The following CYFIP1 variants were observed in gnomAD, a reference collection of about 807,000 sequenced individuals.
The protein encoded by CYFIP1 is cytoplasmic FMR1 interacting protein 1, also known as cytoplasmic FMR1-interacting protein 1.
Under a neutral mutation model 163.5 loss-of-function variants are expected in CYFIP1, and 58 were observed. The observed-to-expected ratio is 0.35, with a 90% confidence interval of 0.29 to 0.44. The LOEUF (loss-of-function observed/expected upper bound fraction) is 0.44. CYFIP1 is among the 20% of genes least tolerant of loss of function. CYFIP1 has a pLI of 1.00. For missense variants in CYFIP1, 1,338 were observed against 1,653.8 expected (o/e 0.81, Z 3.31); for synonymous variants, 663 against 660.7 (o/e 1.00, Z -0.05).
intron 1 of CYFIP1, chr15:22,951,265 A>G (rs1015026535): frequency 9.7e-7 from 1 of 1,032,160 alleles, no homozygotes; most frequent in Non-Finnish European, 1.2e-6. Flanking sequence ...GCAGCCGGTC[A>G]CTGCTGCATG....
chr15:22,977,617 G>A lies in CYFIP1; in HGVS notation c.-7+2670C>T, dbSNP rs533230925. On this transcript the variant is annotated intron_variant, in intron 1 of 30. Transcript: ENST00000617928. Reference sequence around the variant, plus strand: ...AGGCCGAGGTGGGTGGATCACCTGAGGTCAGGAGTTTGAGACCAGCCTGGC... The same window carrying A: ...AGGCCGAGGTGGGTGGATCACCTGAAGTCAGGAGTTTGAGACCAGCCTGGC... 3.3e-5 allele frequency among the ~76,000 whole-genome samples: 5 copies of A among 152,214 alleles called. No individual in the cohort carries two copies. The South Asian group carries it at 1.0e-3, about 32-fold the overall frequency.
intron 22 of CYFIP1, among the ~76,000 whole-genome samples, chr15:22,897,761 G>A (rs1259285084): frequency 6.6e-6 from 1 of 152,188 alleles, no homozygotes; most frequent in African/African-American, 2.4e-5. Flanking sequence ...TGGGATTACA[G>A]GCGTGAGCCA....
intron 17 of CYFIP1, among the ~76,000 whole-genome samples, chr15:22,913,527 C>CAAAAAAAAAAAAAAAAAAA (rs35228444): frequency 3.9e-4 from 4 of 10,280 alleles, no homozygotes; most frequent in African/African-American, 7.9e-4. Flanking sequence ...GGCTCTGTCT[C>CAAAAAAAAAAAAAAAAAAA]AAAAAAAAAA....
At chr15:22,930,151 G>T (rs1019470059) in intron 11 of CYFIP1, among the ~76,000 whole-genome samples, 1 of 151,634 alleles carries the variant, frequency 6.6e-6, no homozygotes, top group South Asian at 2.1e-4. Context: ...CAGGTCAGGA[G>T]ATTGAGACCA....
rs761359434 is a variant in CYFIP1 at position 22,868,471 on chromosome 15, G to GTT, written c.*1555_*1556dup. The GTT allele has an allele frequency of 6.3e-4, 96 of 152,152 alleles. No individual in the cohort carries two copies. The highest frequency in any genetic ancestry group is 7.2e-4 in the Non-Finnish European group (49 of 68,014). 9.4% of individuals were successfully genotyped at this position (152,152 alleles called of 1,614,324 possible). A position where few individuals can be genotyped will look rare whatever the true frequency, so the allele number is the denominator to read the frequency against. ...CTTATAAAACTTGGTAATTGATTAA[G>GTT]TTTTACCATAATTTTTCATCCTATT... is the stretch of plus-strand genomic sequence containing the variant. On this transcript the variant is annotated 3_prime_UTR_variant, in exon 31 of 31. Transcript: ENST00000617928.
chr15:22,956,832 A>G (rs905451106), intron 1 of CYFIP1, among the ~76,000 whole-genome samples: 4 of 152,234 alleles, frequency 2.6e-5, no homozygotes, highest in African/African-American at 7.2e-5. Context: ...GACAACGTGC[A>G]CTGCCCGCTC....
chr15:22,977,932 T>C (rs1341103620), intron 1 of CYFIP1, among the ~76,000 whole-genome samples: 7 of 152,224 alleles, frequency 4.6e-5, no homozygotes, highest in East Asian at 3.9e-4. Flanking sequence ...TTTAGCATTA[T>C]AAACTTGAGT....
chr15:22,916,946 G>C, intron 15 of CYFIP1: 1 of 1,551,740 alleles, frequency 6.4e-7, no homozygotes, highest in Non-Finnish European at 8.7e-7. Context: ...CCGCATGCAA[G>C]AGCCTCTCCA....
intron 1 of CYFIP1, among the ~76,000 whole-genome samples, chr15:22,974,451 C>T (rs1039981979): frequency 6.6e-6 from 1 of 152,108 alleles, no homozygotes; most frequent in African/African-American, 2.4e-5. Flanking sequence ...AAAAACAGGC[C>T]GGACACGATG....
rs187852415 is a variant in CYFIP1 at position 22,951,493 on chromosome 15, C to G, written c.-6-4202G>C. 1.5e-4 allele frequency: 197 copies of G among 1,288,908 alleles called. No individual in the cohort carries two copies. In the East Asian group the frequency reaches 9.2e-3, roughly 60 times the overall value. 79.8% of individuals were successfully genotyped at this position (1,288,908 alleles called of 1,614,324 possible). The stretch of plus-strand genomic sequence containing the variant: ...GGTGATGCCGCTCGGAGGGGCCAGG[C>G]TGCCTGAGGACGTGCTTCGGCCCCA... On this transcript the variant is annotated intron_variant, in intron 1 of 30. Coordinates refer to ENST00000617928, the MANE Select transcript of CYFIP1 (RefSeq NM_014608.6).
chr15:22,976,146 TTTTAAA>T (rs920690568), intron 1 of CYFIP1, among the ~76,000 whole-genome samples: 2 of 152,088 alleles, frequency 1.3e-5, no homozygotes, highest in Non-Finnish European at 1.5e-5. Context: ...AATGTTGTGT[TTTTAAA>T]TTTAATTTTC....
intron 1 of CYFIP1, among the ~76,000 whole-genome samples, chr15:22,956,267 G>A (rs2062449680): frequency 6.6e-6 from 1 of 152,108 alleles, no homozygotes; most frequent in Non-Finnish European, 1.5e-5. Context: ...ATGAGGGCAG[G>A]TGGCTGGGAA....
chr15:22,917,619 T>C lies in CYFIP1; in HGVS notation c.1674+169A>G. On this transcript the variant is annotated intron_variant, in intron 15 of 30. Transcript: ENST00000617928. The surrounding 1 kb of genome is among the most constrained non-coding windows in gnomAD (Gnocchi z 4.2). ...AGGCACGTCTCCTCACGCTCCCAAC[T>C]CACTTGGGTGGGAAACAGAGGAGCA... The C allele has an allele frequency of 1.2e-6, 1 of 814,488 alleles. No homozygotes were observed. The highest frequency in any genetic ancestry group is 1.8e-6 in the Non-Finnish European group (1 of 545,040). 50.5% of individuals were successfully genotyped at this position (814,488 alleles called of 1,614,324 possible). A position where few individuals can be genotyped will look rare whatever the true frequency, so the allele number is the denominator to read the frequency against.
intron 1 of CYFIP1, chr15:22,951,553 A>G (rs1010262658): frequency 2.3e-6 from 3 of 1,287,140 alleles, no homozygotes; most frequent in Admixed American, 2.3e-5. Flanking sequence ...TCCAGCCCAG[A>G]GTCCCGCAGT....
At chr15:22,872,249 C>T (rs1269451517) in intron 30 of CYFIP1, among the ~76,000 whole-genome samples, 1 of 145,486 alleles carries the variant, frequency 6.9e-6, no homozygotes, top group African/African-American at 2.6e-5. Context: ...GAGCCAAGAT[C>T]GTGGCATTGC....
At chr15:22,895,311 G>C (rs2060208017) in intron 22 of CYFIP1, among the ~76,000 whole-genome samples, 1 of 152,110 alleles carries the variant, frequency 6.6e-6, no homozygotes, top group Admixed American at 6.6e-5. Flanking sequence ...ATTGTGCTTG[G>C]CCTTAATTTT....
At chr15:22,948,066 C>T (rs2062119852) in intron 1 of CYFIP1, 2 of 892,058 alleles carry the variant, frequency 2.2e-6, no homozygotes, top group Admixed American at 6.2e-5. Context: ...CTGGAGGAGA[C>T]ACTGAACAGA....
intron 23 of CYFIP1, among the ~76,000 whole-genome samples, chr15:22,885,513 A>G (rs1248037785): frequency 1.3e-5 from 2 of 152,186 alleles, no homozygotes; most frequent in East Asian, 3.9e-4. Context: ...TGGGTGGATC[A>G]CAAGGTCAGG....
intron 23 of CYFIP1, among the ~76,000 whole-genome samples, chr15:22,890,260 C>T (rs1297965331): frequency 4.7e-5 from 7 of 148,674 alleles, no homozygotes; most frequent in Non-Finnish European, 5.9e-5. Context: ...TGCAGTAAGC[C>T]GAGATTGTGC....
Sources: allele counts gnomAD v4.1 joint callset (sites outside exome capture counted in the v4.1 genomes callset), GRCh38; gene constraint gnomAD v4.1.1; non-coding constraint Gnocchi (gnomAD v3.1); transcripts MANE v1.5; gene names NCBI Gene and HGNC (gene_info 2026-07-23, HGNC 2026-07-21).